Variants in SNTG1 observed in about 807,000 individuals in gnomAD.
SNTG1 encodes gamma-1-syntrophin.
In SNTG1, 39 loss-of-function variants were observed where a neutral mutation model predicts 74.7. That is an observed-to-expected ratio of 0.52 (90% confidence interval 0.40 to 0.68). The LOEUF (loss-of-function observed/expected upper bound fraction) is 0.68, where lower values mean the gene tolerates loss of function less well. SNTG1 is among the 30% of genes least tolerant of loss of function. The pLI is 0.00. For synonymous variants in SNTG1, 254 were observed against 217.1 expected, an observed-to-expected ratio of 1.17 and a Z score of -1.49; for missense variants, 685 against 609.5, an observed-to-expected ratio of 1.12 and a Z score of -1.30.
intron 1 of SNTG1, among the ~76,000 whole-genome samples, chr8:50,030,417 A>G (rs1027973299): frequency 2.0e-5 from 3 of 152,000 alleles, no homozygotes; most frequent in African/African-American, 7.2e-5. Context: ...AGAACTCTAT[A>G]CCTAGCTATA....
chr8:50,565,588 T>C (rs1005278891), intron 12 of SNTG1, among the ~76,000 whole-genome samples: 1 of 152,080 alleles, frequency 6.6e-6, no homozygotes, highest in East Asian at 1.9e-4. Flanking sequence ...GATGTATTCA[T>C]CCATGTATTA....
At chr8:50,109,484 C>T (rs2080501265) in intron 1 of SNTG1, among the ~76,000 whole-genome samples, 1 of 152,080 alleles carries the variant, frequency 6.6e-6, no homozygotes, top group Admixed American at 6.6e-5. Flanking sequence ...GGTAAAACTG[C>T]ACCAATTTTC....
chr8:50,301,841 TGTTTTC>T (rs1298371769), intron 2 of SNTG1, among the ~76,000 whole-genome samples: 1 of 138,338 alleles, frequency 7.2e-6, no homozygotes, highest in Admixed American at 7.8e-5. Flanking sequence ...TTTTTGTTTT[TGTTTTC>T]TGTTTTTGTT....
At chr8:49,928,105 G>A (rs1807198763) in intron 1 of SNTG1, among the ~76,000 whole-genome samples, 1 of 148,732 alleles carries the variant, frequency 6.7e-6, no homozygotes, top group East Asian at 2.0e-4. Flanking sequence ...CTCCAGCCTG[G>A]GCAACAGAGT....
At chr8:50,287,239 C>T (rs1465493675) in intron 2 of SNTG1, among the ~76,000 whole-genome samples, 1 of 152,100 alleles carries the variant, frequency 6.6e-6, no homozygotes, top group Non-Finnish European at 1.5e-5. Context: ...AGGTTAAGCT[C>T]TATCTCTCAA....
At chr8:50,255,846 G>T (rs1487854848) in intron 2 of SNTG1, among the ~76,000 whole-genome samples, 1 of 152,050 alleles carries the variant, frequency 6.6e-6, no homozygotes, top group African/African-American at 2.4e-5. Flanking sequence ...GAATTTGGGG[G>T]GTGGGGAGAC....
chr8:50,775,713 G>A (rs1390826025), intron 18 of SNTG1, among the ~76,000 whole-genome samples: 1 of 151,632 alleles, frequency 6.6e-6, no homozygotes, highest in African/African-American at 2.4e-5. Context: ...GAGAGATGTT[G>A]AAGTCTTCAA....
chr8:50,355,621 A>G (rs2091796073), intron 2 of SNTG1, among the ~76,000 whole-genome samples: 1 of 152,130 alleles, frequency 6.6e-6, no homozygotes, highest in African/African-American at 2.4e-5. Context: ...TTGCTCCAGA[A>G]CTTTGAAGAT....
chr8:49,959,733 T>C (rs1479213081), intron 1 of SNTG1, among the ~76,000 whole-genome samples: 4 of 152,230 alleles, frequency 2.6e-5, no homozygotes, highest in Admixed American at 6.5e-5. Context: ...TTTTGGGCTA[T>C]TATGAATAAT....
intron 2 of SNTG1, among the ~76,000 whole-genome samples, chr8:50,291,055 T>C (rs1188199799): frequency 6.6e-6 from 1 of 152,168 alleles, no homozygotes; most frequent in Admixed American, 6.5e-5. Flanking sequence ...CCTATACATT[T>C]ATGTATTTAT....
chr8:50,774,644 T>A (rs1049435251), intron 18 of SNTG1, among the ~76,000 whole-genome samples: 6 of 151,804 alleles, frequency 4.0e-5, no homozygotes, highest in African/African-American at 1.4e-4. Context: ...AAAAACACCA[T>A]TAAAGGTAAA....
At chr8:50,266,398 T>A (rs887747003) in intron 2 of SNTG1, among the ~76,000 whole-genome samples, 11 of 151,934 alleles carry the variant, frequency 7.2e-5, no homozygotes, top group Non-Finnish European at 1.2e-4. Flanking sequence ...ATGAATGAAG[T>A]TGGATCATGT....
At chr8:50,691,149 C>T (rs538144059) in intron 15 of SNTG1, among the ~76,000 whole-genome samples, 76 of 152,232 alleles carry the variant, frequency 5.0e-4, no homozygotes, top group African/African-American at 1.8e-3. Flanking sequence ...TGTCTCTGCA[C>T]GTGAGATGGG....
chr8:50,280,149 G>A lies in SNTG1; in HGVS notation c.-28+107514G>A, dbSNP rs533811126. Among the ~76,000 whole-genome samples the A allele has an allele frequency of 1.1e-4, 16 of 152,312 alleles. No individual in the cohort carries two copies. In the East Asian group the frequency reaches 1.2e-3, roughly 11 times the overall value. ...ATATTTTGGCTGGTGAGTGATAGGC[G>A]TGAGCCCTCTCATTTTTCCATTTGA... is the stretch of plus-strand genomic sequence containing the variant. On this transcript the variant is annotated intron_variant, in intron 2 of 18. Transcript: ENST00000642720.
chr8:50,259,585 A>G (rs1358945361), intron 2 of SNTG1, among the ~76,000 whole-genome samples: 1 of 150,838 alleles, frequency 6.6e-6, no homozygotes, highest in African/African-American at 2.4e-5. Flanking sequence ...AAAATAAAGA[A>G]GAAAAGCACA....
At chr8:50,326,735 AATTTC>A (rs760418022) in intron 2 of SNTG1, among the ~76,000 whole-genome samples, 9 of 151,002 alleles carry the variant, frequency 6.0e-5, no homozygotes, top group Non-Finnish European at 8.9e-5. Flanking sequence ...AGTTACATTG[AATTTC>A]ATTTACTCTT....
intron 1 of SNTG1, among the ~76,000 whole-genome samples, chr8:50,041,236 C>T (rs1408182628): frequency 2.0e-5 from 3 of 152,086 alleles, no homozygotes; most frequent in Admixed American, 6.6e-5. Flanking sequence ...ATTATTGAGT[C>T]GCTTTGAAAT....
intron 1 of SNTG1, among the ~76,000 whole-genome samples, chr8:49,951,664 C>T (rs1239141079): frequency 6.6e-6 from 1 of 150,924 alleles, no homozygotes. Flanking sequence ...GGCTAGATGA[C>T]GAGTTAGTGG....
At chr8:50,112,713 G>C (rs970291709) in intron 1 of SNTG1, among the ~76,000 whole-genome samples, 1 of 151,700 alleles carries the variant, frequency 6.6e-6, no homozygotes, top group Non-Finnish European at 1.5e-5. Context: ...AGTAGAGATG[G>C]GGTTTCGCCA....
Sources: allele counts gnomAD v4.1 joint callset (sites outside exome capture counted in the v4.1 genomes callset), GRCh38; gene constraint gnomAD v4.1.1; transcripts MANE v1.5; gene names NCBI Gene and HGNC (gene_info 2026-07-23, HGNC 2026-07-21).